The following RHOBTB1 variants were observed in gnomAD, a reference collection of about 807,000 sequenced individuals.
RHOBTB1 encodes Rho related BTB domain containing 1, also known as rho-related BTB domain-containing protein 1.
RHOBTB1 carries 40 observed loss-of-function variants against 71.6 expected under a neutral mutation model. The observed-to-expected ratio is 0.56, with a 90% CI of 0.43 to 0.73. The LOEUF (loss-of-function observed/expected upper bound fraction) is 0.73. Ranked by LOEUF, RHOBTB1 falls within the 30% of genes least tolerant of loss-of-function variation. RHOBTB1 has a pLI of 0.00. For missense variants in RHOBTB1, 797 were observed against 894.0 expected (o/e 0.89, Z 1.38); for synonymous variants, 319 against 334.9 (o/e 0.95, Z 0.52).
At chr10:60,958,237 G>C (rs1490201607) in intron 2 of RHOBTB1, among the ~76,000 whole-genome samples, 1 of 152,090 alleles carries the variant, frequency 6.6e-6, no homozygotes, top group Non-Finnish European at 1.5e-5. Flanking sequence ...TTTGAGCACA[G>C]CATGTTACAA....
chr10:60,989,390 T>C (rs778149644), intron 1 of RHOBTB1, among the ~76,000 whole-genome samples: 4 of 152,206 alleles, frequency 2.6e-5, no homozygotes, highest in Non-Finnish European at 5.9e-5. Flanking sequence ...AGATTTTCCA[T>C]GAGGGACGGA....
intron 4 of RHOBTB1, among the ~76,000 whole-genome samples, chr10:60,896,762 A>C (rs1007443350): frequency 3.9e-5 from 6 of 152,196 alleles, no homozygotes; most frequent in African/African-American, 1.4e-4. Flanking sequence ...TTCGCTGGGT[A>C]CTAAGACATC....
intron 6 of RHOBTB1, 71 bp downstream of exon 6, chr10:60,888,141 G>T: frequency 6.6e-7 from 1 of 1,508,596 alleles, no homozygotes; most frequent in Non-Finnish European, 8.9e-7. Flanking sequence ...TCTTTCTCCT[G>T]CTCATGTCTG....
Position 60,925,364 on chromosome 10 carries a change from T to C in RHOBTB1, c.-10-13812A>G, listed in dbSNP as rs1310815464. 2.0e-5 allele frequency among the ~76,000 whole-genome samples: 3 copies of C among 152,182 alleles called. No individual in the cohort carries two copies. The East Asian group carries it at 5.8e-4, about 29-fold the overall frequency. ...TCATTGAAGAAAGTAAAAAGAAACC[T>C]TAAAAATTTATTGAAATAAATGAAA... On this transcript the variant is annotated intron_variant, in intron 2 of 10. Coordinates refer to ENST00000337910, the MANE Select transcript of RHOBTB1 (RefSeq NM_014836.5).
At chr10:60,906,934 G>T (rs367554429) in intron 4 of RHOBTB1, among the ~76,000 whole-genome samples, 1 of 152,232 alleles carries the variant, frequency 6.6e-6, no homozygotes, top group African/African-American at 2.4e-5. Context: ...TCGTGATGTC[G>T]TGGGAGGGAC....
chr10:60,874,571 G>A (rs2080951538), intron 9 of RHOBTB1, among the ~76,000 whole-genome samples: 1 of 152,204 alleles, frequency 6.6e-6, no homozygotes, highest in Non-Finnish European at 1.5e-5. Context: ...GCTGCAATGA[G>A]ATGTTCATTA....
At chr10:60,935,547 T>C (rs1287491320) in intron 2 of RHOBTB1, among the ~76,000 whole-genome samples, 1 of 152,136 alleles carries the variant, frequency 6.6e-6, no homozygotes, top group Non-Finnish European at 1.5e-5. Context: ...CTAAGTTCTT[T>C]GAGGTATTTC....
intron 2 of RHOBTB1, among the ~76,000 whole-genome samples, chr10:60,984,833 T>C (rs1052531556): frequency 6.6e-6 from 1 of 152,204 alleles, no homozygotes; most frequent in African/African-American, 2.4e-5. Context: ...CAGTCTTATG[T>C]ACACATTTTA....
At chr10:60,908,963 T>A (rs1350131704) in intron 4 of RHOBTB1, among the ~76,000 whole-genome samples, 1 of 152,168 alleles carries the variant, frequency 6.6e-6, no homozygotes, top group Non-Finnish European at 1.5e-5. Context: ...CACTTCCTGT[T>A]TCTATCAAAG....
chr10:60,874,415 T>C (rs1194747311), intron 9 of RHOBTB1, among the ~76,000 whole-genome samples: 1 of 152,240 alleles, frequency 6.6e-6, no homozygotes, highest in South Asian at 2.1e-4. Flanking sequence ...AGGCAGAGTT[T>C]AGCTTGTGCT....
rs1304501266 is a variant in RHOBTB1, at chr10:60,932,156, C to T, written c.-11+9648G>A. 2.6e-5 allele frequency among the ~76,000 whole-genome samples: 4 copies of T among 152,266 alleles called. No homozygotes were observed. The East Asian group carries it at 5.8e-4, about 22-fold the overall frequency. ...TCACAAACACATAAATATTGATGTA[C>T]ACTCAGTGCCCAAATTTAACATTGT... On this transcript the variant is annotated intron_variant, in intron 2 of 10. Transcript: ENST00000337910.
intron 2 of RHOBTB1, among the ~76,000 whole-genome samples, chr10:60,975,543 G>A (rs2086287541): frequency 6.6e-6 from 1 of 152,058 alleles, no homozygotes; most frequent in Non-Finnish European, 1.5e-5. Flanking sequence ...CGCTTGCATG[G>A]AAATACTAGG....
chr10:60,918,699 A>G (rs2083397887), intron 2 of RHOBTB1, among the ~76,000 whole-genome samples: 1 of 152,016 alleles, frequency 6.6e-6, no homozygotes, highest in Non-Finnish European at 1.5e-5. Flanking sequence ...GCTGCATCTT[A>G]TCACTTACAC....
At chr10:60,899,095 T>G (rs2082288988) in intron 4 of RHOBTB1, among the ~76,000 whole-genome samples, 1 of 152,232 alleles carries the variant, frequency 6.6e-6, no homozygotes, top group African/African-American at 2.4e-5. Context: ...CATTTTCCAC[T>G]CAAAATCTCA....
chr10:60,978,858 A>G (rs560384965), intron 2 of RHOBTB1, among the ~76,000 whole-genome samples: 3 of 152,290 alleles, frequency 2.0e-5, no homozygotes, highest in African/African-American at 7.2e-5. Context: ...TCTCAATGAC[A>G]AAACATATCA....
At chr10:60,969,185 T>G (rs1371076330) in intron 2 of RHOBTB1, among the ~76,000 whole-genome samples, 1 of 151,936 alleles carries the variant, frequency 6.6e-6, no homozygotes, top group Non-Finnish European at 1.5e-5. Context: ...AGATGTGAGG[T>G]CTCCTATGGA....
chr10:60,893,375 C>T (rs2082015115), intron 4 of RHOBTB1, among the ~76,000 whole-genome samples: 1 of 152,158 alleles, frequency 6.6e-6, no homozygotes, highest in South Asian at 2.1e-4. Flanking sequence ...TACCTTTCAC[C>T]AGTTTAAAAA....
rs1435266236 is a variant in RHOBTB1 at position 60,869,822 on chromosome 10, G to A, written c.*1660C>T. The A allele has an allele frequency of 1.3e-5, 2 of 152,460 alleles. No individual in the cohort carries two copies. Among genetic ancestry groups the A allele is most frequent in the Non-Finnish European group, 2.9e-5 (2 of 68,016 alleles). The allele number at this position is 152,460 out of a possible 1,614,324, so 9.4% of individuals were successfully genotyped here. On this transcript the variant is annotated 3_prime_UTR_variant, in exon 11 of 11. Coordinates refer to ENST00000337910, the MANE Select transcript of RHOBTB1 (RefSeq NM_014836.5). ...CATTTGTAACTATCCCTACTCTACT[G>A]CCTTCTCTTTTGTCATGACAAGGTG...
chr10:60,894,228 T>G (rs1328668099), intron 4 of RHOBTB1, among the ~76,000 whole-genome samples: 1 of 152,190 alleles, frequency 6.6e-6, no homozygotes, highest in Non-Finnish European at 1.5e-5. Flanking sequence ...TTACATTAAA[T>G]GTAATTCACA....
Sources: gnomAD v4.1 joint callset for allele counts (sites outside exome capture counted in the v4.1 genomes callset) on GRCh38, gnomAD v4.1.1 for gene constraint, MANE v1.5 for transcripts, NCBI Gene and HGNC (gene_info 2026-07-23, HGNC 2026-07-21) for gene names.